The following ATP2B1 variants were observed in gnomAD, a reference collection of about 807,000 sequenced individuals.
The protein encoded by ATP2B1 is ATPase plasma membrane Ca2+ transporting 1.
ATP2B1 carries 14 observed loss-of-function variants against 124.2 expected under a neutral mutation model. The ratio of observed to expected loss-of-function variants is 0.11; its 90% CI spans 0.07 to 0.18. ATP2B1 has a LOEUF of 0.18. ATP2B1 is among the 10% of genes least tolerant of loss of function. ATP2B1 has a pLI of 1.00. For synonymous variants in ATP2B1, 449 were observed against 492.4 expected, an observed-to-expected ratio of 0.91 and a Z score of 1.17; for missense variants, 763 against 1,466.1, an observed-to-expected ratio of 0.52 and a Z score of 7.83.
chr12:89,658,638 A>AGAGAGG (rs1886285504), intron 1 of ATP2B1, among the ~76,000 whole-genome samples: 1 of 151,308 alleles, frequency 6.6e-6, no homozygotes, highest in Admixed American at 6.6e-5. Context: ...AGAGAGAGAG[A>AGAGAGG]GAGAGAGAGA....
At chr12:89,649,651 G>A (rs1357619536) in intron 2 of ATP2B1, among the ~76,000 whole-genome samples, 1 of 152,184 alleles carries the variant, frequency 6.6e-6, no homozygotes, top group Non-Finnish European at 1.5e-5. Flanking sequence ...GGACACTGTT[G>A]AGAAAGCATG....
At chr12:89,685,075 T>C (rs946035576) in intron 1 of ATP2B1, among the ~76,000 whole-genome samples, 3 of 152,278 alleles carry the variant, frequency 2.0e-5, no homozygotes, top group South Asian at 2.1e-4. Context: ...GCCTCCGCCA[T>C]TGCCGTATTT....
chr12:89,640,376 GAC>G (rs1196605606), intron 3 of ATP2B1, among the ~76,000 whole-genome samples: 1 of 152,150 alleles, frequency 6.6e-6, no homozygotes, highest in Non-Finnish European at 1.5e-5. Context: ...CCCCCTATGG[GAC>G]ACACAGCAAA....
At chr12:89,708,530 T>G (rs1327399680) in intron 1 of ATP2B1, 66 bp downstream of exon 1, 3 of 147,480 alleles carry the variant, frequency 2.0e-5, no homozygotes, top group Non-Finnish European at 4.5e-5. Flanking sequence ...GTGCTCCGCC[T>G]GGCCTCCCCC....
intron 2 of ATP2B1, among the ~76,000 whole-genome samples, chr12:89,654,678 T>A (rs956602325): frequency 2.0e-5 from 3 of 152,176 alleles, no homozygotes; most frequent in African/African-American, 7.2e-5. Context: ...AATTTAAAGT[T>A]ATTTAATTTT....
Position 89,610,372 on chromosome 12 carries a change from A to G in ATP2B1, c.2335+49T>C, listed in dbSNP as rs77626299. On this transcript the variant is annotated intron_variant, in intron 14 of 20. Transcript: ENST00000428670. ...ATCTATTACTATTCTGGGAAGCAGA[A>G]CACATTTCTGTATTAAGAAATTGTG... The G allele has an allele frequency of 2.8e-4, 404 of 1,451,510 alleles. 2 individuals carry two copies. The East Asian group carries it at 8.4e-3, about 30-fold the overall frequency. The allele number at this position is 1,451,510 out of a possible 1,614,324, so 89.9% of individuals were successfully genotyped here. A position where few individuals can be genotyped will look rare whatever the true frequency, so the allele number is the denominator to read the frequency against.
chr12:89,635,620 T>C (rs1271301170), intron 3 of ATP2B1, among the ~76,000 whole-genome samples: 1 of 152,244 alleles, frequency 6.6e-6, no homozygotes, highest in African/African-American at 2.4e-5. Flanking sequence ...AATGTGAGGA[T>C]ACTGGTAAAG....
chr12:89,694,872 C>T (rs1388695074), intron 1 of ATP2B1, among the ~76,000 whole-genome samples: 3 of 151,956 alleles, frequency 2.0e-5, no homozygotes, highest in African/African-American at 7.3e-5. Context: ...GCCTGGGCAA[C>T]ATGGCGAAAC....
At chr12:89,606,666 C>T (rs562769784) in intron 15 of ATP2B1, among the ~76,000 whole-genome samples, 2 of 150,910 alleles carry the variant, frequency 1.3e-5, no homozygotes, top group Non-Finnish European at 2.9e-5. Context: ...CTCTGCCTTC[C>T]GGGTTCACGC....
At chr12:89,688,219 A>G (rs1890171859) in intron 1 of ATP2B1, among the ~76,000 whole-genome samples, 1 of 152,136 alleles carries the variant, frequency 6.6e-6, no homozygotes, top group South Asian at 2.1e-4. Flanking sequence ...ATGAATTTAC[A>G]GCACTTCATT....
intron 3 of ATP2B1, among the ~76,000 whole-genome samples, chr12:89,636,060 A>C (rs1016583864): frequency 6.6e-6 from 1 of 152,162 alleles, no homozygotes; most frequent in African/African-American, 2.4e-5. Flanking sequence ...AAAGAGGGAT[A>C]ACTGAGGTTC....
At chr12:89,627,807 G>C in intron 6 of ATP2B1, 91 bp from the exon 7 acceptor site, 1 of 1,348,858 alleles carries the variant, frequency 7.4e-7, no homozygotes, top group Non-Finnish European at 1.1e-6. Context: ...TTCTATAACA[G>C]TTGTTACACA....
chr12:89,679,200 G>C (rs537742838), intron 1 of ATP2B1, among the ~76,000 whole-genome samples: 69 of 152,194 alleles, frequency 4.5e-4, no homozygotes, highest in African/African-American at 1.5e-3. Context: ...AGTTTGCACA[G>C]CCAAAGACTA....
intron 18 of ATP2B1, among the ~76,000 whole-genome samples, chr12:89,602,313 T>C (rs2854370): frequency 0.95 from 144,659 of 152,272 alleles, 68,803 homozygotes; most frequent in East Asian, 0.99. Context: ...TTAACAATAT[T>C]CACCCTCCTG....
intron 1 of ATP2B1, among the ~76,000 whole-genome samples, chr12:89,691,908 T>C (rs1445194220): frequency 6.6e-6 from 1 of 152,136 alleles, no homozygotes; most frequent in African/African-American, 2.4e-5. Context: ...ACAGATTGCC[T>C]GTCACAAGTC....
chr12:89,615,168 C>T (rs905265471), intron 12 of ATP2B1, among the ~76,000 whole-genome samples: 1 of 152,098 alleles, frequency 6.6e-6, no homozygotes, highest in Non-Finnish European at 1.5e-5. Context: ...GCTTGGAATG[C>T]TCTTCTTGCA....
In ATP2B1 at chr12:89,630,661, T is replaced by TA; in HGVS notation, c.788-17dup. 3.5e-6 allele frequency: 5 copies of TA among 1,437,306 alleles called. No homozygotes were observed. The highest frequency in any genetic ancestry group is 2.8e-6 in the Non-Finnish European group (3 of 1,089,854). The allele number at this position is 1,437,306 out of a possible 1,614,324, so 89.0% of individuals were successfully genotyped here. On this transcript the variant is annotated splice_polypyrimidine_tract_variant and intron_variant, in intron 5 of 20. Transcript: ENST00000428670. ...ACATGAGTACCTATAACCAAAAACA[T>TA]AGTTTGTTTTTAAAAATACTGATAG...
Position 89,590,412 on chromosome 12 carries a change from A to G in ATP2B1, c.*572T>C, listed in dbSNP as rs1592681354. The G allele has an allele frequency of 6.8e-6, 1 of 148,080 alleles. No homozygotes were observed. Among genetic ancestry groups the G allele is most frequent in the African/African-American group, 2.5e-5 (1 of 39,980 alleles). The allele number at this position is 148,080 out of a possible 1,614,324, so 9.2% of individuals were successfully genotyped here. A position where few individuals can be genotyped will look rare whatever the true frequency, so the allele number is the denominator to read the frequency against. ...AATTTAGTACAGTTTCAATAGAAAC[A>G]CCCCTTTTTTTTTTTTTCCTGAAAA... On this transcript the variant is annotated 3_prime_UTR_variant, in exon 21 of 21. Transcript: ENST00000428670.
intron 12 of ATP2B1, among the ~76,000 whole-genome samples, chr12:89,612,837 C>T (rs1478919458): frequency 6.6e-6 from 1 of 152,202 alleles, no homozygotes; most frequent in Non-Finnish European, 1.5e-5. Context: ...CTTATCTTTG[C>T]ATCACCAACA....
Sources: gnomAD v4.1 joint callset for allele counts (sites outside exome capture counted in the v4.1 genomes callset) on GRCh38, gnomAD v4.1.1 for gene constraint, MANE v1.5 for transcripts, NCBI Gene and HGNC (gene_info 2026-07-23, HGNC 2026-07-21) for gene names.